The following CDH18 variants were observed in gnomAD, a reference collection of about 807,000 sequenced individuals.
CDH18 encodes cadherin 18.
In CDH18, 31 loss-of-function variants were observed where a neutral mutation model predicts 67.9. The ratio of observed to expected loss-of-function variants is 0.46; its 90% CI spans 0.34 to 0.62. CDH18 has a LOEUF of 0.62. Ranked by LOEUF, CDH18 falls within the 20% of genes least tolerant of loss-of-function variation. The pLI is 0.01. For missense variants in CDH18, 890 were observed against 975.5 expected (o/e 0.91, Z 1.17); for synonymous variants, 362 against 347.2 (o/e 1.04, Z -0.48).
chr5:19,759,546 C>T (rs1581224687), intron 3 of CDH18, among the ~76,000 whole-genome samples: 1 of 152,208 alleles, frequency 6.6e-6, no homozygotes, highest in African/African-American at 2.4e-5. Flanking sequence ...CCCACTGGGC[C>T]CACTGTAAGT....
intron 2 of CDH18, among the ~76,000 whole-genome samples, chr5:19,940,657 T>A (rs996022408): frequency 6.6e-6 from 1 of 152,024 alleles, no homozygotes; most frequent in Non-Finnish European, 1.5e-5. Flanking sequence ...AGAGATTATT[T>A]TTTTCCTAGT....
chr5:19,539,279 C>T (rs563233878), intron 9 of CDH18, among the ~76,000 whole-genome samples: 11 of 152,164 alleles, frequency 7.2e-5, no homozygotes, highest in South Asian at 6.2e-4. Context: ...TGCTTTACTT[C>T]ATAGATATAG....
intron 2 of CDH18, among the ~76,000 whole-genome samples, chr5:20,035,079 T>C (rs1318190898): frequency 6.6e-6 from 1 of 152,042 alleles, no homozygotes; most frequent in Non-Finnish European, 1.5e-5. Context: ...TAGGTGAGCA[T>C]GGAGGAAGAG....
chr5:19,782,588 T>A (rs994471928), intron 3 of CDH18, among the ~76,000 whole-genome samples: 12 of 151,986 alleles, frequency 7.9e-5, no homozygotes, highest in Non-Finnish European at 1.6e-4. Flanking sequence ...TACAATGGAG[T>A]CAGGGCAGCA....
chr5:19,577,229 A>C (rs1325161262), intron 7 of CDH18, among the ~76,000 whole-genome samples: 1 of 152,198 alleles, frequency 6.6e-6, no homozygotes, highest in Non-Finnish European at 1.5e-5. Context: ...AAAATATCTA[A>C]AAGAGAGAAT....
intron 11 of CDH18, among the ~76,000 whole-genome samples, chr5:19,495,354 G>T (rs915014636): frequency 1.3e-5 from 2 of 151,946 alleles, no homozygotes; most frequent in African/African-American, 4.8e-5. Context: ...CAAACAAATG[G>T]TTCTTCATTT....
intron 10 of CDH18, among the ~76,000 whole-genome samples, chr5:19,513,882 A>G (rs1467209373): frequency 6.6e-6 from 1 of 152,084 alleles, no homozygotes; most frequent in African/African-American, 2.4e-5. Flanking sequence ...GTTCTAGGGT[A>G]CATGTGCACA....
At position 19,920,048 on chromosome 5, in the gene CDH18, T is replaced by C. The variant is rs1443286552; in HGVS notation, c.-257+61012A>G. Among the ~76,000 whole-genome samples, 13 of 152,220 alleles carry C rather than the reference T, an allele frequency of 8.5e-5. No individual in the cohort carries two copies. The East Asian group carries it at 2.5e-3, about 29-fold the overall frequency. On this transcript the variant is annotated intron_variant, in intron 2 of 12. Coordinates refer to ENST00000382275, the MANE Select transcript of CDH18 (RefSeq NM_004934.5). ...ATAGATCACTTTATGGCTCAATTTT[T>C]ATCTTTCAGAAACATGTTAAAGTAA...
At chr5:20,273,514 A>G (rs976533081) in intron 1 of CDH18, among the ~76,000 whole-genome samples, 1 of 152,106 alleles carries the variant, frequency 6.6e-6, no homozygotes, top group Admixed American at 6.6e-5. Context: ...ACTGCTGTCA[A>G]TTGATTGATG....
chr5:20,551,377 G>A (rs541357936), intron 1 of CDH18, among the ~76,000 whole-genome samples: 1 of 152,252 alleles, frequency 6.6e-6, no homozygotes, highest in South Asian at 2.1e-4. Context: ...CTTCAAAGGG[G>A]ACATCTGAAG....
chr5:20,289,811 G>T (rs1324696975), intron 1 of CDH18, among the ~76,000 whole-genome samples: 1 of 151,946 alleles, frequency 6.6e-6, no homozygotes, highest in Non-Finnish European at 1.5e-5. Flanking sequence ...ATACATATCT[G>T]TCAATAGGGT....
chr5:20,212,538 G>T (rs933151474), intron 2 of CDH18, among the ~76,000 whole-genome samples: 6 of 152,030 alleles, frequency 3.9e-5, no homozygotes, highest in Non-Finnish European at 7.4e-5. Flanking sequence ...GAAAGGTCAG[G>T]TTACCCACAA....
chr5:20,345,537 A>G (rs1374542596), intron 1 of CDH18, among the ~76,000 whole-genome samples: 1 of 152,006 alleles, frequency 6.6e-6, no homozygotes, highest in African/African-American at 2.4e-5. Context: ...TATTCCAACC[A>G]TATGCAACTT....
intron 1 of CDH18, among the ~76,000 whole-genome samples, chr5:20,273,092 T>C (rs574736059): frequency 2.6e-5 from 4 of 152,208 alleles, no homozygotes; most frequent in African/African-American, 7.2e-5. Context: ...ATTCATATAT[T>C]TGCAACTGTC....
chr5:19,685,959 T>C (rs944799224), intron 5 of CDH18, among the ~76,000 whole-genome samples: 1 of 152,106 alleles, frequency 6.6e-6, no homozygotes, highest in African/African-American at 2.4e-5. Flanking sequence ...CAAAGGAGAA[T>C]GGGAAATTTT....
intron 2 of CDH18, among the ~76,000 whole-genome samples, chr5:20,066,528 A>G (rs1265125304): frequency 1.3e-5 from 2 of 152,092 alleles, no homozygotes; most frequent in Non-Finnish European, 2.9e-5. Context: ...TCAAAGGACT[A>G]CCATTAAGGT....
At chr5:19,619,488 A>G (rs1163847352) in intron 5 of CDH18, among the ~76,000 whole-genome samples, 1 of 152,182 alleles carries the variant, frequency 6.6e-6, no homozygotes, top group Non-Finnish European at 1.5e-5. Flanking sequence ...TATTCATGGA[A>G]AGGGCACTTG....
chr5:19,912,207 C>T (rs62352221), intron 2 of CDH18, among the ~76,000 whole-genome samples: 45,467 of 151,516 alleles, frequency 0.3, 7,924 homozygotes, highest in South Asian at 0.4. Context: ...TTAACGGCTT[C>T]GTAAAAGCAA....
chr5:20,501,596 A>T (rs1390035679), intron 1 of CDH18, among the ~76,000 whole-genome samples: 12 of 52,428 alleles, frequency 2.3e-4, no homozygotes, highest in Admixed American at 5.0e-4. Context: ...TATATATATT[A>T]TATATATATA....
Sources: allele counts gnomAD v4.1 joint callset (sites outside exome capture counted in the v4.1 genomes callset), GRCh38; gene constraint gnomAD v4.1.1; transcripts MANE v1.5; gene names NCBI Gene and HGNC (gene_info 2026-07-23, HGNC 2026-07-21).